Variants in ADCY2 observed in about 807,000 individuals in gnomAD.
ADCY2 encodes adenylate cyclase type 2.
Under a neutral mutation model 125.2 loss-of-function variants are expected in ADCY2, and 31 were observed. That is an observed-to-expected ratio of 0.25 (90% CI 0.19 to 0.33). The LOEUF is 0.33. Ranked by LOEUF, ADCY2 falls within the 10% of genes least tolerant of loss-of-function variation. The probability of loss-of-function intolerance (pLI) is 1.00; values close to 1 mark genes in which losing one functional copy is unlikely to be tolerated. For synonymous variants in ADCY2, 512 were observed against 548.4 expected, an observed-to-expected ratio of 0.93 and a Z score of 0.93; for missense variants, 904 against 1,418.2, an observed-to-expected ratio of 0.64 and a Z score of 5.82.
At chr5:7,652,763 G>T (rs936877660) in intron 4 of ADCY2, among the ~76,000 whole-genome samples, 2 of 152,160 alleles carry the variant, frequency 1.3e-5, no homozygotes, top group African/African-American at 4.8e-5. Flanking sequence ...GTGATGCTGG[G>T]CATAGGTTCT....
intron 5 of ADCY2, among the ~76,000 whole-genome samples, chr5:7,695,144 A>C (rs1269800829): frequency 6.6e-6 from 1 of 152,208 alleles, no homozygotes; most frequent in Non-Finnish European, 1.5e-5. Context: ...TTCCTATTTT[A>C]AACACATAAA....
chr5:7,503,369 A>G (rs577780932), intron 2 of ADCY2, among the ~76,000 whole-genome samples: 3 of 152,318 alleles, frequency 2.0e-5, no homozygotes, highest in Non-Finnish European at 4.4e-5. Flanking sequence ...GAATGTTTAT[A>G]AGTAGAGGTG....
At chr5:7,775,186 T>C (rs1466106268) in intron 18 of ADCY2, among the ~76,000 whole-genome samples, 1 of 151,326 alleles carries the variant, frequency 6.6e-6, no homozygotes, top group Non-Finnish European at 1.5e-5. Context: ...TGTGTGTGTG[T>C]GTGTGTGTGT....
At chr5:7,526,086 C>T (rs770800974) in intron 3 of ADCY2, among the ~76,000 whole-genome samples, 3 of 152,332 alleles carry the variant, frequency 2.0e-5, no homozygotes, top group Non-Finnish European at 2.9e-5. Flanking sequence ...CTCTGACACC[C>T]ACGCATGTGG....
At chr5:7,804,915 A>C (rs1579457157) in intron 22 of ADCY2, among the ~76,000 whole-genome samples, 1 of 152,312 alleles carries the variant, frequency 6.6e-6, no homozygotes, top group East Asian at 1.9e-4. Context: ...AAGAAAAACC[A>C]ATCAGTAGCT....
At chr5:7,677,446 T>C (rs1208499938) in intron 4 of ADCY2, among the ~76,000 whole-genome samples, 2 of 152,166 alleles carry the variant, frequency 1.3e-5, no homozygotes, top group African/African-American at 4.8e-5. Flanking sequence ...GGGACTTACG[T>C]TGACTAACAG....
chr5:7,396,359 C>A lies in ADCY2; in HGVS notation c.63C>A (p.Gly21=). The part of the protein sequence containing the change: ...YLRDRSEEAA[G]GGDGLPRSRD... ...GGGACCGCTCCGAGGAGGCGGCGGG[C>A]GGCGGAGACGGGCTGCCGCGGTCCC... The change falls in exon 1 of 25, where the codon GGC becomes GGA. Residue 21 remains glycine, a synonymous_variant. Coordinates refer to ENST00000338316, the MANE Select transcript of ADCY2 (RefSeq NM_020546.3). This position sits in a 1 kb window ranked among gnomAD's most constrained non-coding sequence, Gnocchi z 5.7. 6.5e-7 allele frequency: 1 copy of A among 1,548,420 alleles called. No homozygotes were observed. The highest frequency in any genetic ancestry group is 8.7e-7 in the Non-Finnish European group (1 of 1,148,820).
intron 3 of ADCY2, among the ~76,000 whole-genome samples, chr5:7,526,382 A>G (rs1248268577): frequency 6.6e-6 from 1 of 152,218 alleles, no homozygotes; most frequent in Non-Finnish European, 1.5e-5. Flanking sequence ...AGAGAGAAGG[A>G]TAATTTCCAG....
chr5:7,520,835 A>G lies in ADCY2; in HGVS notation c.506A>G (p.His169Arg). 6.2e-7 allele frequency: 1 copy of G among 1,613,896 alleles called. No individual in the cohort carries two copies. Among genetic ancestry groups the G allele is most frequent in the Non-Finnish European group, 8.5e-7 (1 of 1,179,958 alleles). Residue 169 changes from histidine to arginine, a missense_variant, in exon 3 of 25, where the codon CAC becomes CGC. His to Arg is a conservative substitution (Grantham distance 29). This residue lies in a region of ADCY2 where 121 missense variants were observed against 161.5 expected (regional missense o/e 0.75). Coordinates refer to ENST00000338316, the MANE Select transcript of ADCY2 (RefSeq NM_020546.3). ...GCCAGCGTCCTCACCTCCTCCTCCC[A>G]CACCATCGTGCTTAGCGTCTGCCTG... ...IIASVLTSSS[H>R]TIVLSVCLSA...
rs565519390 is a variant in ADCY2, at chr5:7,815,337, T to G, written c.2884-1529T>G. On this transcript the variant is annotated intron_variant, in intron 22 of 24. Coordinates refer to ENST00000338316, the MANE Select transcript of ADCY2 (RefSeq NM_020546.3). ...ACTTGAAAAGACACAAGGCACTGGC[T>G]TCCGTGCTAACACGGACATCCATTC... Among the ~76,000 whole-genome samples, 307 of 152,278 alleles carry G rather than the reference T, an allele frequency of 2.0e-3. 5 individuals are homozygous for G. Among genetic ancestry groups the G allele is most frequent in the African/African-American group, 7.2e-3 (301 of 41,554 alleles).
At chr5:7,753,815 G>A (rs1476417020) in intron 15 of ADCY2, among the ~76,000 whole-genome samples, 3 of 152,076 alleles carry the variant, frequency 2.0e-5, no homozygotes, top group Admixed American at 6.5e-5. Flanking sequence ...CATTGCAACT[G>A]TCACCTCTCT....
rs545653470 is a variant in ADCY2 at position 7,513,719 on chromosome 5, G to A, written c.409-7019G>A. On this transcript the variant is annotated intron_variant, in intron 2 of 24. Coordinates refer to ENST00000338316, the MANE Select transcript of ADCY2 (RefSeq NM_020546.3). ...TTCTGCAACAACAATGAGATACAATGTATAAGAACTATATTGCGGTACTAT... is the reference window on the plus strand; with the variant it reads ...TTCTGCAACAACAATGAGATACAATATATAAGAACTATATTGCGGTACTAT... Among the ~76,000 whole-genome samples, 265 of 152,280 alleles carry A rather than the reference G, an allele frequency of 1.7e-3. 1 individual carries two copies. Among genetic ancestry groups the A allele is most frequent in the African/African-American group, 6.0e-3 (251 of 41,560 alleles).
At chr5:7,399,264 C>G (rs1739176170) in intron 1 of ADCY2, among the ~76,000 whole-genome samples, 1 of 152,204 alleles carries the variant, frequency 6.6e-6, no homozygotes, top group Non-Finnish European at 1.5e-5. Flanking sequence ...GCTTAAAGCA[C>G]ATCCCTAGCC....
At chr5:7,658,565 A>G (rs2126690215) in intron 4 of ADCY2, among the ~76,000 whole-genome samples, 1 of 152,200 alleles carries the variant, frequency 6.6e-6, no homozygotes, top group East Asian at 1.9e-4. Context: ...GACTACAAGC[A>G]TGAGGCACCA....
chr5:7,755,432 G>A (rs1033383647), intron 15 of ADCY2, among the ~76,000 whole-genome samples: 6 of 146,580 alleles, frequency 4.1e-5, no homozygotes, highest in Non-Finnish European at 7.5e-5. Context: ...GTGGAAAGGA[G>A]TAGAGAGGAG....
chr5:7,782,831 C>T (rs1215608852), intron 18 of ADCY2, among the ~76,000 whole-genome samples: 2 of 152,238 alleles, frequency 1.3e-5, no homozygotes, highest in African/African-American at 2.4e-5. Context: ...CTGCACCCAT[C>T]GGTCACTTCA....
At chr5:7,770,685 C>T (rs1026081258) in intron 17 of ADCY2, among the ~76,000 whole-genome samples, 1 of 152,134 alleles carries the variant, frequency 6.6e-6, no homozygotes, top group Non-Finnish European at 1.5e-5. Flanking sequence ...TCCGAGGGGA[C>T]AGGATCACTG....
At chr5:7,570,317 A>C (rs1378008490) in intron 3 of ADCY2, among the ~76,000 whole-genome samples, 1 of 152,144 alleles carries the variant, frequency 6.6e-6, no homozygotes, top group African/African-American at 2.4e-5. Flanking sequence ...GAGAAACTTA[A>C]ATGGACCAAC....
At chr5:7,557,996 T>C (rs1735582443) in intron 3 of ADCY2, among the ~76,000 whole-genome samples, 2 of 152,226 alleles carry the variant, frequency 1.3e-5, no homozygotes. Context: ...TGTATAAGCA[T>C]TCCTTTTTCT....
Sources: gnomAD v4.1 joint callset for allele counts (sites outside exome capture counted in the v4.1 genomes callset) on GRCh38, gnomAD v4.1.1 for gene constraint, gnomAD v4.1.1 regional missense constraint, Gnocchi (gnomAD v3.1) non-coding constraint, MANE v1.5 for transcripts, NCBI Gene and HGNC (gene_info 2026-07-23, HGNC 2026-07-21) for gene names.